The following KIF23 variants were observed in gnomAD, a reference collection of about 807,000 sequenced individuals.
The protein encoded by KIF23 is kinesin-like protein KIF23.
In KIF23, 30 loss-of-function variants were observed where a neutral mutation model predicts 137.5. The observed-to-expected ratio is 0.22, with a 90% CI of 0.16 to 0.30. The LOEUF (loss-of-function observed/expected upper bound fraction) is 0.30, where lower values mean the gene tolerates loss of function less well. Ranked by LOEUF, KIF23 falls within the 10% of genes least tolerant of loss-of-function variation. The pLI is 1.00. For missense variants in KIF23, 920 were observed against 1,194.3 expected (o/e 0.77, Z 3.38); for synonymous variants, 367 against 391.1 (o/e 0.94, Z 0.73).
chr15:69,435,589 T>TG, intron 12 of KIF23, 27 bp downstream of exon 12: 1 of 1,613,480 alleles, frequency 6.2e-7, no homozygotes, highest in Non-Finnish European at 8.5e-7. Flanking sequence ...TCTGTTCTTT[T>TG]GTATAGTTTC....
intron 11 of KIF23, chr15:69,434,532 A>T: frequency 1.2e-6 from 1 of 825,752 alleles, no homozygotes. Flanking sequence ...TGGATCTCAT[A>T]GTTTTCTTTA....
rs778394502 is a variant in KIF23, at chr15:69,440,071, A to G, written c.1923A>G (p.Lys641=). The change falls in exon 17 of 24, where the codon AAA becomes AAG. Residue 641 remains lysine, a synonymous_variant. Coordinates refer to ENST00000679126, the MANE Select transcript of KIF23 (RefSeq NM_001367805.3). ...CAGAAACGACAATGAAGTGGGAGAAAGAATGTGTGAGTATCGTTTGGGTAG... is the reference window on the plus strand; with the variant it reads ...CAGAAACGACAATGAAGTGGGAGAAGGAATGTGTGAGTATCGTTTGGGTAG... The part of the protein sequence containing the change: ...MVTETTMKWE[K]ECERRVAAKQ... The G allele has an allele frequency of 2.5e-6, 4 of 1,613,466 alleles. No homozygotes were observed. The highest frequency in any genetic ancestry group is 1.1e-5 in the South Asian group (1 of 90,992).
At chr15:69,441,667 T>C (rs1252948450) in intron 19 of KIF23, among the ~76,000 whole-genome samples, 30 of 149,076 alleles carry the variant, frequency 2.0e-4, no homozygotes, top group Non-Finnish European at 3.0e-5. Flanking sequence ...AATAAGGACA[T>C]TGTACTACCT....
At position 69,417,431 on chromosome 15, in the gene KIF23, A is replaced by C; in HGVS notation, c.130A>C (p.Ile44Leu). Residue 44 changes from isoleucine to leucine, a missense_variant, in exon 3 of 24, where the codon ATA becomes CTA. Ile to Leu is a conservative substitution (Grantham distance 5). Transcript: ENST00000679126. The part of the protein sequence containing the change: ...PLGFPDQECC[I>L]EVINNTTVQL... The stretch of plus-strand genomic sequence containing the variant: ...GGGCTTTCCTGATCAAGAGTGTTGC[A>C]TAGAAGTGATCAATAATACAACTGT... 6.2e-7 allele frequency: 1 copy of C among 1,613,936 alleles called. No homozygotes were observed. The highest frequency in any genetic ancestry group is 8.5e-7 in the Non-Finnish European group (1 of 1,179,872).
chr15:69,422,845 G>C (rs2057092708), intron 6 of KIF23: 1 of 276,594 alleles, frequency 3.6e-6, no homozygotes, highest in African/African-American at 2.3e-5. Flanking sequence ...TTGCTGCCCA[G>C]GGTGGAGTGC....
chr15:69,435,916 T>C lies in KIF23; in HGVS notation c.1314+145T>C. The C allele has an allele frequency of 3.2e-6, 4 of 1,250,516 alleles. No homozygotes were observed. In the South Asian group the frequency reaches 6.0e-5, roughly 19 times the overall value. 77.5% of individuals were successfully genotyped at this position (1,250,516 alleles called of 1,614,324 possible). The stretch of plus-strand genomic sequence containing the variant: ...AGTAAACTAGGCTTGGTGTGGTGGC[T>C]TATGCTTATAATCCCAACATGTTGG... On this transcript the variant is annotated intron_variant, in intron 13 of 23. Transcript: ENST00000679126.
chr15:69,426,278 G>T (rs2057188828), intron 9 of KIF23, 58 bp from the exon 10 acceptor site: 9 of 1,606,262 alleles, frequency 5.6e-6, no homozygotes, highest in Non-Finnish European at 7.6e-6. Flanking sequence ...TTATTAGAAA[G>T]CATGTATAAT....
intron 1 of KIF23, among the ~76,000 whole-genome samples, chr15:69,415,186 G>A (rs898749869): frequency 4.6e-5 from 7 of 152,224 alleles, no homozygotes; most frequent in African/African-American, 1.7e-4. Flanking sequence ...AAGACAACTT[G>A]TTTATTAAGA....
intron 21 of KIF23, 77 bp from the exon 22 acceptor site, chr15:69,446,199 TGTAGATA>T (rs1171796450): frequency 1.4e-6 from 2 of 1,412,912 alleles, no homozygotes; most frequent in Non-Finnish European, 2.0e-6. Context: ...TCCAAAGGGA[TGTAGATA>T]GTATTCCCCT....
At position 69,441,058 on chromosome 15, in the gene KIF23, A is replaced by G; in HGVS notation, c.2400A>G (p.Ile800Met). 3 of 1,612,698 alleles carry G rather than the reference A, an allele frequency of 1.9e-6. No homozygotes were observed. Among genetic ancestry groups the G allele is most frequent in the African/African-American group, 2.7e-5 (2 of 75,040 alleles). The change falls in exon 19 of 24, where the codon ATA (isoleucine) becomes ATG (methionine). Residue 800 changes from isoleucine (I) to methionine (M), a missense_variant. This residue lies in a region of KIF23 where 714 missense variants were observed against 866.2 expected (regional missense o/e 0.82). Transcript: ENST00000679126. Reference sequence around the variant, plus strand: ...CTACATTCAGAAATGAGATAGAAATAGAAGAGGATCATTGCGGCAGGGTTA... The same window carrying G: ...CTACATTCAGAAATGAGATAGAAATGGAAGAGGATCATTGCGGCAGGGTTA... ...VVPTFRNEIE[I>M]EEDHCGRLLF...
intron 3 of KIF23, among the ~76,000 whole-genome samples, chr15:69,419,405 C>G (rs1414156672): frequency 6.6e-6 from 1 of 152,266 alleles, no homozygotes; most frequent in African/African-American, 2.4e-5. Flanking sequence ...CCATCTGTCT[C>G]TCCACCTTCA....
intron 11 of KIF23, 57 bp downstream of exon 11, chr15:69,429,270 GT>G (rs1469945772): frequency 3.6e-5 from 42 of 1,164,130 alleles, no homozygotes; most frequent in Non-Finnish European, 4.5e-5. Flanking sequence ...TGCAATGCCA[GT>G]TTATTATCTA....
chr15:69,429,289 A>G (rs112968039), intron 11 of KIF23, 76 bp downstream of exon 11: 1 of 951,504 alleles, frequency 1.1e-6, no homozygotes, highest in Non-Finnish European at 1.6e-6. Context: ...CTACTTATCA[A>G]TGGGTGGTTC....
chr15:69,416,606 G>A (rs73426056), intron 2 of KIF23, among the ~76,000 whole-genome samples: 1 of 152,108 alleles, frequency 6.6e-6, no homozygotes, highest in Non-Finnish European at 1.5e-5. Context: ...AGGGAACCGG[G>A]TGCTTTGCAC....
intron 18 of KIF23, 118 bp from the exon 19 acceptor site, chr15:69,440,650 A>T (rs2057593405): frequency 8.8e-7 from 1 of 1,130,518 alleles, no homozygotes; most frequent in Non-Finnish European, 1.2e-6. Flanking sequence ...GCACAAAAAA[A>T]TAGAACAAAT....
intron 23 of KIF23, 141 bp downstream of exon 23, chr15:69,447,082 CT>C: frequency 1.3e-6 from 1 of 754,312 alleles, no homozygotes; most frequent in Non-Finnish European, 2.3e-6. Context: ...CTATCTGGGC[CT>C]CCATGGGCAG....
Position 69,444,715 on chromosome 15 carries a change from T to C in KIF23, c.2422-75T>C. 6.9e-7 allele frequency: 1 copy of C among 1,455,054 alleles called. No homozygotes were observed. Among genetic ancestry groups the C allele is most frequent in the East Asian group, 2.3e-5 (1 of 43,760 alleles). 90.1% of individuals were successfully genotyped at this position (1,455,054 alleles called of 1,614,324 possible). On this transcript the variant is annotated intron_variant, in intron 19 of 23. Transcript: ENST00000679126. The surrounding 1 kb of genome is among the most constrained non-coding windows in gnomAD (Gnocchi z 4.2). Reference sequence around the variant, plus strand: ...GGAAAGGTTTGCTATGATACTGTCATCAACTAATGTAGCCAAACCTGCTGC... The same window carrying C: ...GGAAAGGTTTGCTATGATACTGTCACCAACTAATGTAGCCAAACCTGCTGC...
chr15:69,430,345 G>A (rs2057325730), intron 11 of KIF23, among the ~76,000 whole-genome samples: 1 of 152,136 alleles, frequency 6.6e-6, no homozygotes, highest in South Asian at 2.1e-4. Flanking sequence ...CTGTCACCTT[G>A]CATGTTGTGT....
chr15:69,421,856 A>G (rs1595983629), intron 4 of KIF23, 104 bp downstream of exon 4: 1 of 1,286,838 alleles, frequency 7.8e-7, no homozygotes, highest in African/African-American at 1.5e-5. Flanking sequence ...TGTTGAATCC[A>G]TATTTAATTT....
Sources: gnomAD v4.1 joint callset for allele counts (sites outside exome capture counted in the v4.1 genomes callset) on GRCh38, gnomAD v4.1.1 for gene constraint, gnomAD v4.1.1 regional missense constraint, Gnocchi (gnomAD v3.1) non-coding constraint, MANE v1.5 for transcripts, NCBI Gene and HGNC (gene_info 2026-07-23, HGNC 2026-07-21) for gene names.